Variants in MGAT4C observed in about 807,000 individuals in gnomAD.
MGAT4C encodes the protein MGAT4 family member C.
A neutral mutation model predicts 40.1 loss-of-function variants in MGAT4C; 19 were observed. The observed-to-expected ratio is 0.47, with a 90% confidence interval of 0.33 to 0.70. The LOEUF (loss-of-function observed/expected upper bound fraction) is 0.70. MGAT4C is among the 30% of genes least tolerant of loss of function. MGAT4C has a pLI of 0.02. For synonymous variants in MGAT4C, 181 were observed against 187.1 expected, an observed-to-expected ratio of 0.97 and a Z score of 0.27; for missense variants, 491 against 563.2, an observed-to-expected ratio of 0.87 and a Z score of 1.30.
intron 2 of MGAT4C, among the ~76,000 whole-genome samples, chr12:86,674,235 G>T: frequency 6.6e-6 from 1 of 152,030 alleles, no homozygotes; most frequent in East Asian, 1.9e-4. Context: ...CAATGATCTA[G>T]ATTATATTTT....
intron 2 of MGAT4C, among the ~76,000 whole-genome samples, chr12:86,696,261 A>T (rs1333360579): frequency 6.6e-6 from 1 of 152,152 alleles, no homozygotes; most frequent in Non-Finnish European, 1.5e-5. Flanking sequence ...AAGAATAAAT[A>T]CCTGAGGTAA....
chr12:86,192,117 T>G (rs1013555401), intron 1 of MGAT4C, among the ~76,000 whole-genome samples: 1 of 133,486 alleles, frequency 7.5e-6, no homozygotes, highest in Non-Finnish European at 1.6e-5. Flanking sequence ...GGGGGAGGGA[T>G]AGCATTAGGA....
chr12:86,566,564 A>ATG (rs1160140983), intron 2 of MGAT4C, among the ~76,000 whole-genome samples: 43 of 116,826 alleles, frequency 3.7e-4, no homozygotes, highest in East Asian at 1.0e-3. Flanking sequence ...ATATATATAT[A>ATG]TATATATATA....
chr12:86,297,088 TA>T (rs1383375189), intron 4 of MGAT4C, among the ~76,000 whole-genome samples: 1 of 152,134 alleles, frequency 6.6e-6, no homozygotes, highest in Non-Finnish European at 1.5e-5. Context: ...AAATATACAG[TA>T]AAAGAACTTT....
chr12:86,161,887 G>T (rs537794203), intron 1 of MGAT4C, among the ~76,000 whole-genome samples: 22 of 151,822 alleles, frequency 1.4e-4, no homozygotes, highest in African/African-American at 4.1e-4. Context: ...GCCAACAAAC[G>T]CATGAAAAAA....
intron 1 of MGAT4C, among the ~76,000 whole-genome samples, chr12:86,779,096 C>T (rs11104084): frequency 0.32 from 48,531 of 151,378 alleles, 9,571 homozygotes; most frequent in Admixed American, 0.46. Flanking sequence ...TGGTAAGCAG[C>T]TTAGCTGTCA....
chr12:86,304,384 T>C (rs1953884910), intron 4 of MGAT4C, among the ~76,000 whole-genome samples: 1 of 150,608 alleles, frequency 6.6e-6, no homozygotes, highest in African/African-American at 2.5e-5. Context: ...TTACATACTC[T>C]ACTTTCTATC....
chr12:86,238,588 G>A (rs1446801413), intron 1 of MGAT4C, among the ~76,000 whole-genome samples: 1 of 151,870 alleles, frequency 6.6e-6, no homozygotes, highest in Non-Finnish European at 1.5e-5. Flanking sequence ...ATCTAAATTT[G>A]TATTGTATGC....
At chr12:86,809,479 C>T (rs983746898) in intron 1 of MGAT4C, among the ~76,000 whole-genome samples, 2 of 151,978 alleles carry the variant, frequency 1.3e-5, no homozygotes, top group South Asian at 4.1e-4. Context: ...AGAGTATATC[C>T]ACCATTTTAC....
intron 4 of MGAT4C, among the ~76,000 whole-genome samples, chr12:86,316,674 T>C (rs984566926): frequency 3.3e-5 from 5 of 152,028 alleles, no homozygotes; most frequent in African/African-American, 1.2e-4. Flanking sequence ...ACCAATGGAA[T>C]TAAAGATGGC....
intron 1 of MGAT4C, among the ~76,000 whole-genome samples, chr12:86,776,331 A>G (rs1951748303): frequency 6.6e-6 from 1 of 152,108 alleles, no homozygotes. Context: ...TAATGTTACT[A>G]AAACTTAAAG....
At chr12:86,364,597 AT>A (rs1252588943) in intron 3 of MGAT4C, among the ~76,000 whole-genome samples, 3 of 152,116 alleles carry the variant, frequency 2.0e-5, no homozygotes, top group Non-Finnish European at 4.4e-5. Context: ...ATTGGGCAAA[AT>A]TCACCCCCGA....
At chr12:86,589,088 C>A (rs1377228208) in intron 2 of MGAT4C, among the ~76,000 whole-genome samples, 1 of 151,242 alleles carries the variant, frequency 6.6e-6, no homozygotes, top group Non-Finnish European at 1.5e-5. Flanking sequence ...CACAAAAAAC[C>A]CTTCAAAAAA....
chr12:86,489,285 TC>T (rs1304577658), intron 2 of MGAT4C, among the ~76,000 whole-genome samples: 3 of 152,078 alleles, frequency 2.0e-5, no homozygotes, highest in Non-Finnish European at 2.9e-5. Flanking sequence ...CCAGCTCCCC[TC>T]CCCACTGAGA....
intron 1 of MGAT4C, among the ~76,000 whole-genome samples, chr12:86,198,189 C>T (rs1045653428): frequency 6.6e-6 from 1 of 152,062 alleles, no homozygotes; most frequent in Non-Finnish European, 1.5e-5. Flanking sequence ...CAAAAACAAC[C>T]AGGAGTATTT....
chr12:86,048,217 C>A (rs1174174203), intron 2 of MGAT4C, among the ~76,000 whole-genome samples: 2 of 152,048 alleles, frequency 1.3e-5, no homozygotes, highest in Middle Eastern at 3.2e-3. Flanking sequence ...GAACAGAAAA[C>A]CAAATACTCC....
intron 2 of MGAT4C, among the ~76,000 whole-genome samples, chr12:86,635,416 A>C (rs1242849551): frequency 6.6e-6 from 1 of 152,096 alleles, no homozygotes; most frequent in Non-Finnish European, 1.5e-5. Context: ...TCAATTACAT[A>C]GTATAGAAAC....
At chr12:86,183,898 G>A (rs1402434699) in intron 1 of MGAT4C, among the ~76,000 whole-genome samples, 2 of 152,104 alleles carry the variant, frequency 1.3e-5, no homozygotes, top group Non-Finnish European at 2.9e-5. Context: ...TTGAGAGTTT[G>A]GGCTTCAACA....
intron 2 of MGAT4C, among the ~76,000 whole-genome samples, chr12:86,464,845 A>G (rs967898078): frequency 1.4e-5 from 2 of 143,298 alleles, no homozygotes; most frequent in African/African-American, 2.4e-5. Context: ...TTTTTGACAA[A>G]CAAGCGTATG....
Sources: gnomAD v4.1 joint callset for allele counts (sites outside exome capture counted in the v4.1 genomes callset) on GRCh38, gnomAD v4.1.1 for gene constraint, MANE v1.5 for transcripts, NCBI Gene and HGNC (gene_info 2026-07-23, HGNC 2026-07-21) for gene names.